The following MYO9A variants were observed in gnomAD, a reference collection of about 807,000 sequenced individuals.
MYO9A encodes the protein unconventional myosin-IXa.
Under a neutral mutation model 293.3 loss-of-function variants are expected in MYO9A, and 103 were observed. The ratio of observed to expected loss-of-function variants is 0.35; its 90% CI spans 0.30 to 0.41. The LOEUF is 0.41. MYO9A is among the 10% of genes least tolerant of loss of function. The pLI, the probability that MYO9A is intolerant of heterozygous loss-of-function variation, is 1.00. For missense variants in MYO9A, 2,685 were observed against 3,033.0 expected (o/e 0.89, Z 2.69); for synonymous variants, 1,001 against 1,035.7 (o/e 0.97, Z 0.64).
chr15:71,940,066 A>G (rs2058736488), intron 15 of MYO9A, among the ~76,000 whole-genome samples: 1 of 152,204 alleles, frequency 6.6e-6, no homozygotes. Flanking sequence ...TCTATACTAA[A>G]AATAAAAAAT....
Position 71,833,646 on chromosome 15 carries a change from C to T in MYO9A, c.6838-3335G>A, listed in dbSNP as rs1595988272. Among the ~76,000 whole-genome samples the T allele has an allele frequency of 2.0e-5, 3 of 152,124 alleles. No individual in the cohort carries two copies. In the South Asian group the frequency reaches 6.2e-4, roughly 32 times the overall value. Reference sequence around the variant, plus strand: ...TAGAGAATACTCATTTTAAAGCGCACACAGCAAGACAACAAAATTCCAAGG... The same window carrying T: ...TAGAGAATACTCATTTTAAAGCGCATACAGCAAGACAACAAAATTCCAAGG... On this transcript the variant is annotated intron_variant, in intron 39 of 41. Transcript: ENST00000356056.
intron 39 of MYO9A, among the ~76,000 whole-genome samples, chr15:71,841,067 T>C (rs2055141803): frequency 6.6e-6 from 1 of 152,238 alleles, no homozygotes; most frequent in Non-Finnish European, 1.5e-5. Context: ...CAAGTGATTG[T>C]TTGCATAAGT....
Position 72,049,160 on chromosome 15 carries a change from C to T in MYO9A, c.-71-2526G>A, listed in dbSNP as rs2078479830. On this transcript the variant is annotated intron_variant, in intron 1 of 41. Coordinates refer to ENST00000356056, the MANE Select transcript of MYO9A (RefSeq NM_006901.4). ...GAACTTCTTTTGTTTTTCATACAAA[C>T]ACTTACTGAGAACATGTTTACTACT... is the stretch of plus-strand genomic sequence containing the variant. Among the ~76,000 whole-genome samples, 7 of 152,246 alleles carry T rather than the reference C, an allele frequency of 4.6e-5. No homozygotes were observed. In the South Asian group the frequency reaches 1.2e-3, roughly 27 times the overall value.
rs770120521 is a variant in MYO9A at position 71,879,708 on chromosome 15, T to C, written c.5739+13A>G. The C allele has an allele frequency of 4.0e-5, 63 of 1,570,006 alleles. No homozygotes were observed. The highest frequency in any genetic ancestry group is 5.4e-5 in the Non-Finnish European group (62 of 1,140,604). Reference sequence around the variant, plus strand: ...TTGAACTACTAAATATCTCCTAACATAGTCCAACTCACCGCCAATGCAGAT... The same window carrying C: ...TTGAACTACTAAATATCTCCTAACACAGTCCAACTCACCGCCAATGCAGAT... On this transcript the variant is annotated intron_variant, in intron 30 of 41. Transcript: ENST00000356056.
intron 18 of MYO9A, among the ~76,000 whole-genome samples, chr15:71,925,393 A>G (rs7168786): frequency 0.013 from 2,041 of 151,392 alleles, 49 homozygotes; most frequent in African/African-American, 0.047. Context: ...GTGTATATGG[A>G]TATATACGTA....
intron 15 of MYO9A, among the ~76,000 whole-genome samples, chr15:71,939,462 TTC>T (rs768658546): frequency 1.3e-4 from 20 of 152,198 alleles, no homozygotes; most frequent in Non-Finnish European, 2.2e-4. Flanking sequence ...GTATTTGGTT[TTC>T]TGTTCCTGCA....
At chr15:71,894,371 G>GT (rs2057264009) in intron 25 of MYO9A, among the ~76,000 whole-genome samples, 2 of 152,204 alleles carry the variant, frequency 1.3e-5, no homozygotes, top group Admixed American at 1.3e-4. Flanking sequence ...GAGGTCAGGA[G>GT]TTTGAGACCA....
At chr15:71,919,841 CAAAAAAAA>C (rs373980359) in intron 18 of MYO9A, among the ~76,000 whole-genome samples, 3 of 82,500 alleles carry the variant, frequency 3.6e-5, no homozygotes, top group Non-Finnish European at 4.4e-5. Flanking sequence ...GACTCCATCT[CAAAAAAAA>C]AAAAAAAAAA....
rs149497680 is a variant in MYO9A, at chr15:72,076,997, T to C, written c.-71-30363A>G. 1.3e-4 allele frequency among the ~76,000 whole-genome samples: 20 copies of C among 149,128 alleles called. 1 individual carries two copies. The East Asian group carries it at 3.9e-3, about 29-fold the overall frequency. On this transcript the variant is annotated intron_variant, in intron 1 of 41. Coordinates refer to ENST00000356056, the MANE Select transcript of MYO9A (RefSeq NM_006901.4). ...GAAAAAGGATAGTCTTTTCAACAAA[T>C]GGTGCTGGAAAAACTAGACAACTAC...
In MYO9A at chr15:71,859,809, T is replaced by A; in HGVS notation, c.6092-13A>T. ...GCATACTTGCATACTGAAAAATAGG[T>A]GAGGAATGCAACATTTTTAGAAGTC... On this transcript the variant is annotated splice_polypyrimidine_tract_variant and intron_variant, in intron 33 of 41. Transcript: ENST00000356056. 2.5e-6 allele frequency: 4 copies of A among 1,610,858 alleles called. No homozygotes were observed. Among genetic ancestry groups the A allele is most frequent in the Non-Finnish European group, 3.4e-6 (4 of 1,177,576 alleles).
At chr15:71,953,426 C>T (rs2059101749) in intron 14 of MYO9A, among the ~76,000 whole-genome samples, 1 of 152,166 alleles carries the variant, frequency 6.6e-6, no homozygotes, top group Non-Finnish European at 1.5e-5. Context: ...AACAGCTAAT[C>T]TGATAATCAG....
At chr15:71,850,427 G>A (rs1327001091) in intron 37 of MYO9A, among the ~76,000 whole-genome samples, 1 of 152,080 alleles carries the variant, frequency 6.6e-6, no homozygotes, top group African/African-American at 2.4e-5. Flanking sequence ...GGAAATTTGT[G>A]ACCTACCTGC....
chr15:71,829,850 C>T (rs1235088757), intron 40 of MYO9A, among the ~76,000 whole-genome samples: 1 of 152,062 alleles, frequency 6.6e-6, no homozygotes, highest in Non-Finnish European at 1.5e-5. Context: ...CTGTGTCCTC[C>T]TCCCAGTCAG....
chr15:72,098,890 T>A lies in MYO9A; in HGVS notation c.-72+18790A>T, dbSNP rs1456103595. 2.7e-5 allele frequency among the ~76,000 whole-genome samples: 4 copies of A among 149,224 alleles called. No individual in the cohort carries two copies. The East Asian group carries it at 7.9e-4, about 29-fold the overall frequency. On this transcript the variant is annotated intron_variant, in intron 1 of 41. Transcript: ENST00000356056. ...AAAAGAAATGATAAAAACGAAGAAG[T>A]GATAAGTAGAGAGAAAACAAAATAG...
intron 1 of MYO9A, among the ~76,000 whole-genome samples, chr15:72,104,815 C>A (rs759732861): frequency 3.3e-5 from 5 of 152,108 alleles, no homozygotes; most frequent in South Asian, 2.1e-4. Context: ...GAATCCTATA[C>A]ATAATCTGAG....
At chr15:71,875,197 TATG>T (rs988815688) in intron 32 of MYO9A, among the ~76,000 whole-genome samples, 6 of 152,022 alleles carry the variant, frequency 3.9e-5, no homozygotes, top group South Asian at 2.1e-4. Flanking sequence ...ATGTTGTGTA[TATG>T]ATGTATATAT....
chr15:71,933,851 A>G (rs934832815), intron 17 of MYO9A, 142 bp from the exon 18 acceptor site: 1 of 708,354 alleles, frequency 1.4e-6, no homozygotes, highest in Non-Finnish European at 2.4e-6. Context: ...CTTTATATGA[A>G]AACACTATCT....
intron 2 of MYO9A, among the ~76,000 whole-genome samples, chr15:72,044,134 C>T (rs1596459420): frequency 6.6e-6 from 1 of 152,024 alleles, no homozygotes; most frequent in Admixed American, 6.6e-5. Flanking sequence ...AGGCTGGGGG[C>T]GATGGCTCAT....
At chr15:71,973,233 C>A (rs2076057755) in intron 12 of MYO9A, among the ~76,000 whole-genome samples, 2 of 152,102 alleles carry the variant, frequency 1.3e-5, no homozygotes, top group Non-Finnish European at 2.9e-5. Flanking sequence ...AGTAACTGCA[C>A]CCCACCCCAC....
Sources: allele counts gnomAD v4.1 joint callset (sites outside exome capture counted in the v4.1 genomes callset), GRCh38; gene constraint gnomAD v4.1.1; transcripts MANE v1.5; gene names NCBI Gene and HGNC (gene_info 2026-07-23, HGNC 2026-07-21).